Variants in GMDS observed in about 807,000 individuals in gnomAD.
GMDS encodes the protein GDP-mannose 4,6 dehydratase.
A neutral mutation model predicts 49.9 loss-of-function variants in GMDS; 20 were observed. The ratio of observed to expected loss-of-function variants is 0.40; its 90% confidence interval spans 0.28 to 0.58. GMDS has a LOEUF of 0.58. GMDS is among the 20% of genes least tolerant of loss of function. GMDS has a pLI of 0.42. For missense variants in GMDS, 362 were observed against 481.4 expected, an observed-to-expected ratio of 0.75 and a Z score of 2.32; for synonymous variants, 177 against 178.6, an observed-to-expected ratio of 0.99 and a Z score of 0.07.
chr6:1,908,487 T>C lies in GMDS; in HGVS notation c.771+21616A>G, dbSNP rs886129373. On this transcript the variant is annotated intron_variant, in intron 7 of 10. Coordinates refer to ENST00000380815, the MANE Select transcript of GMDS (RefSeq NM_001500.4). ...GTTCTGAAAGTCTCTTGGCAAAAGA[T>C]ATTTTCTTGAATCAAAATTTTCTTT... Among the ~76,000 whole-genome samples the C allele has an allele frequency of 3.3e-5, 5 of 152,232 alleles. No individual in the cohort carries two copies. In the South Asian group the frequency reaches 6.2e-4, roughly 19 times the overall value.
intron 6 of GMDS, among the ~76,000 whole-genome samples, chr6:1,957,125 T>C (rs1346144070): frequency 2.6e-5 from 4 of 152,192 alleles, no homozygotes; most frequent in Admixed American, 2.6e-4. Flanking sequence ...TTAATTACTA[T>C]ATGAGTAAAA....
chr6:2,027,326 T>C (rs1008511551), intron 4 of GMDS, among the ~76,000 whole-genome samples: 2 of 152,184 alleles, frequency 1.3e-5, no homozygotes, highest in South Asian at 2.1e-4. Flanking sequence ...CAGCCAGATA[T>C]AGAGAGATTC....
chr6:1,782,556 T>G (rs574535533), intron 7 of GMDS, among the ~76,000 whole-genome samples: 68 of 152,240 alleles, frequency 4.5e-4, no homozygotes, highest in Non-Finnish European at 7.1e-4. Flanking sequence ...AATTTCGTAT[T>G]ACCCATAGAA....
intron 7 of GMDS, among the ~76,000 whole-genome samples, chr6:1,850,132 C>T (rs1757594143): frequency 6.6e-6 from 1 of 152,176 alleles, no homozygotes; most frequent in Non-Finnish European, 1.5e-5. Flanking sequence ...CTGCTAACTG[C>T]CTCCAAATAA....
At chr6:2,083,768 A>T (rs1772850276) in intron 4 of GMDS, among the ~76,000 whole-genome samples, 1 of 152,182 alleles carries the variant, frequency 6.6e-6, no homozygotes, top group Non-Finnish European at 1.5e-5. Flanking sequence ...ATCATCAACT[A>T]ATCTGCAAAT....
intron 7 of GMDS, among the ~76,000 whole-genome samples, chr6:1,884,800 T>C (rs1370223096): frequency 6.6e-6 from 1 of 152,214 alleles, no homozygotes. Context: ...AAAAGTGCAT[T>C]AGGCTACGGT....
intron 9 of GMDS, 162 bp from the exon 10 acceptor site, chr6:1,624,702 G>GGCGCC: frequency 6.5e-6 from 4 of 616,810 alleles, no homozygotes; most frequent in Non-Finnish European, 1.2e-5. Flanking sequence ...TGCGGCTCTC[G>GGCGCC]GCGCCGTAAA....
At chr6:1,816,020 G>A (rs936696960) in intron 7 of GMDS, among the ~76,000 whole-genome samples, 1 of 152,164 alleles carries the variant, frequency 6.6e-6, no homozygotes, top group African/African-American at 2.4e-5. Flanking sequence ...TAACATTCCC[G>A]GCTCTCTGCA....
At chr6:2,140,281 G>A (rs1278769913) in intron 1 of GMDS, among the ~76,000 whole-genome samples, 1 of 152,108 alleles carries the variant, frequency 6.6e-6, no homozygotes, top group Admixed American at 6.5e-5. Flanking sequence ...GACCACAGAA[G>A]CAGAGATTAG....
intron 1 of GMDS, among the ~76,000 whole-genome samples, chr6:2,128,300 G>A (rs1581688698): frequency 6.6e-6 from 1 of 151,508 alleles, no homozygotes; most frequent in East Asian, 1.9e-4. Flanking sequence ...TGAGCCTCCT[G>A]AGTAACTCAG....
intron 8 of GMDS, among the ~76,000 whole-genome samples, chr6:1,739,162 C>A (rs543137612): frequency 6.6e-6 from 1 of 152,282 alleles, no homozygotes; most frequent in Non-Finnish European, 1.5e-5. Context: ...AGCATATGAA[C>A]AAGAAGGATA....
At chr6:1,678,114 T>C (rs1764681146) in intron 9 of GMDS, among the ~76,000 whole-genome samples, 1 of 152,190 alleles carries the variant, frequency 6.6e-6, no homozygotes, top group Non-Finnish European at 1.5e-5. Flanking sequence ...TCAAAAACTC[T>C]TGGTGGCCAG....
chr6:1,923,663 T>C (rs1019511065), intron 7 of GMDS, among the ~76,000 whole-genome samples: 6 of 152,156 alleles, frequency 3.9e-5, no homozygotes, highest in African/African-American at 1.4e-4. Flanking sequence ...CTACAAGCGG[T>C]TGAGCATGGT....
chr6:1,653,783 G>A (rs888099099), intron 9 of GMDS, among the ~76,000 whole-genome samples: 2 of 152,100 alleles, frequency 1.3e-5, no homozygotes, highest in Non-Finnish European at 2.9e-5. Context: ...ACCTTACATC[G>A]TACATAAAAG....
chr6:2,140,306 A>T (rs1384295072), intron 1 of GMDS, among the ~76,000 whole-genome samples: 1 of 152,222 alleles, frequency 6.6e-6, no homozygotes, highest in South Asian at 2.1e-4. Context: ...ATGTGCCCCA[A>T]GTCAAGGGAT....
chr6:1,971,151 T>C (rs899316553), intron 4 of GMDS, among the ~76,000 whole-genome samples: 4 of 152,148 alleles, frequency 2.6e-5, no homozygotes, highest in African/African-American at 9.7e-5. Flanking sequence ...GAAGCTATTC[T>C]GGAGCAAATT....
intron 9 of GMDS, among the ~76,000 whole-genome samples, chr6:1,676,130 C>T (rs1019153167): frequency 2.0e-5 from 3 of 152,058 alleles, no homozygotes; most frequent in African/African-American, 7.2e-5. Context: ...CATTCTTATA[C>T]ACCAATAACA....
chr6:2,241,654 A>ACACCC (rs1781620646), intron 1 of GMDS, among the ~76,000 whole-genome samples: 1 of 152,078 alleles, frequency 6.6e-6, no homozygotes, highest in Non-Finnish European at 1.5e-5. Context: ...CTGGCACCCC[A>ACACCC]CACCCCACCC....
chr6:1,726,990 T>C (rs1766614841), intron 8 of GMDS, among the ~76,000 whole-genome samples: 1 of 152,174 alleles, frequency 6.6e-6, no homozygotes, highest in African/African-American at 2.4e-5. Flanking sequence ...GAATAAGTTT[T>C]GTAACCTAAT....
Sources: allele counts gnomAD v4.1 joint callset (sites outside exome capture counted in the v4.1 genomes callset), GRCh38; gene constraint gnomAD v4.1.1; transcripts MANE v1.5; gene names NCBI Gene and HGNC (gene_info 2026-07-23, HGNC 2026-07-21).